Variants in RBBP4 observed in about 807,000 individuals in gnomAD.
RBBP4 encodes histone-binding protein RBBP4.
A neutral mutation model predicts 57.2 loss-of-function variants in RBBP4; 3 were observed. The observed-to-expected ratio is 0.05, with a 90% CI of 0.02 to 0.14. The LOEUF is 0.14. Among genes scored for constraint, RBBP4 ranks in the 10% least tolerant of loss-of-function variants. The pLI, the probability that RBBP4 is intolerant of heterozygous loss-of-function variation, is 1.00. For missense variants in RBBP4, 107 were observed against 520.6 expected (o/e 0.21, Z 7.73); for synonymous variants, 151 against 171.5 (o/e 0.88, Z 0.93).
intron 3 of RBBP4, among the ~76,000 whole-genome samples, chr1:32,666,941 G>A (rs1648679081): frequency 6.6e-6 from 1 of 152,188 alleles, no homozygotes; most frequent in Admixed American, 6.5e-5. Context: ...ATTGTGAGAA[G>A]TGACCTAGAA....
At chr1:32,670,532 G>A (rs1319878706) in intron 8 of RBBP4, among the ~76,000 whole-genome samples, 3 of 151,882 alleles carry the variant, frequency 2.0e-5, no homozygotes, top group Non-Finnish European at 4.4e-5. Context: ...ATTACGTTAT[G>A]TAGCCTTTGC....
rs990666030 is a variant in RBBP4, at chr1:32,685,255, A to G, written c.*5550A>G. 6.6e-6 allele frequency: 1 copy of G among 152,190 alleles called. No individual in the cohort carries two copies. The highest frequency in any genetic ancestry group is 1.5e-5 in the Non-Finnish European group (1 of 68,038). 9.4% of individuals were successfully genotyped at this position (152,190 alleles called of 1,614,324 possible). On this transcript the variant is annotated 3_prime_UTR_variant, in exon 12 of 12. Coordinates refer to ENST00000373493, the MANE Select transcript of RBBP4 (RefSeq NM_005610.3). ...TTGGGAGCCCTCAGATAACTTTCTC[A>G]TTCTTCCAGAATCAGGCTGGGATGC...
At chr1:32,679,538 A>G (rs1258912539) in intron 11 of RBBP4, 102 bp from the exon 12 acceptor site, 1 of 1,057,652 alleles carries the variant, frequency 9.5e-7, no homozygotes, top group African/African-American at 1.6e-5. Context: ...CCCAAAAGCT[A>G]TAAAGTATTT....
intron 3 of RBBP4, among the ~76,000 whole-genome samples, chr1:32,667,867 T>C (rs928062073): frequency 2.0e-5 from 3 of 152,308 alleles, no homozygotes; most frequent in East Asian, 3.9e-4. Context: ...ATACCTAATA[T>C]AATGTAAATG....
In RBBP4 at chr1:32,669,838, C is replaced by T. The variant is rs1402278278; in HGVS notation, c.966+275C>T. On this transcript the variant is annotated intron_variant, in intron 8 of 11. Coordinates refer to ENST00000373493, the MANE Select transcript of RBBP4 (RefSeq NM_005610.3). This position sits in a 1 kb window ranked among gnomAD's most constrained non-coding sequence, Gnocchi z 4.9. ...CCCGGGAGGCAGAGGTTGCAGTGAG[C>T]CGAGATTGTGCCACTGCACTCTAGC... Among the ~76,000 whole-genome samples the T allele has an allele frequency of 6.6e-6, 1 of 152,082 alleles. No individual in the cohort carries two copies. The highest frequency in any genetic ancestry group is 1.5e-5 in the Non-Finnish European group (1 of 68,024).
intron 3 of RBBP4, among the ~76,000 whole-genome samples, chr1:32,660,682 A>G (rs148679110): frequency 9.9e-5 from 15 of 151,842 alleles, no homozygotes; most frequent in African/African-American, 3.1e-4. Flanking sequence ...CTCCCATTCA[A>G]TGATTTCATA....
chr1:32,671,986 CAT>C (rs1491513504), intron 8 of RBBP4, among the ~76,000 whole-genome samples: 3 of 151,092 alleles, frequency 2.0e-5, no homozygotes, highest in Non-Finnish European at 2.9e-5. Flanking sequence ...TTTTTGTAAA[CAT>C]TTTTTTTTTG....
intron 3 of RBBP4, among the ~76,000 whole-genome samples, chr1:32,660,105 C>T (rs1648333999): frequency 6.6e-6 from 1 of 152,128 alleles, no homozygotes; most frequent in Non-Finnish European, 1.5e-5. Context: ...GAGCTTACAT[C>T]TCCTGTTTAT....
At chr1:32,655,193 TCTTTAA>T (rs1307802799) in intron 2 of RBBP4, among the ~76,000 whole-genome samples, 1 of 152,040 alleles carries the variant, frequency 6.6e-6, no homozygotes, top group Non-Finnish European at 1.5e-5. Context: ...TCCAGACTGT[TCTTTAA>T]CTTCTGGGCT....
At chr1:32,655,537 C>T (rs1456815607) in intron 2 of RBBP4, among the ~76,000 whole-genome samples, 1 of 152,132 alleles carries the variant, frequency 6.6e-6, no homozygotes, top group East Asian at 1.9e-4. Flanking sequence ...TGTAGAAGCT[C>T]TCAGAGCTTT....
rs975305072 is a variant in RBBP4 at position 32,679,966 on chromosome 1, A to C, written c.*261A>C. ...GGTCTAAAGTAGCTACAGAAAGGGG[A>C]ATATTATGTGTGATTATTTTTCTTC... On this transcript the variant is annotated 3_prime_UTR_variant, in exon 12 of 12. Coordinates refer to ENST00000373493, the MANE Select transcript of RBBP4 (RefSeq NM_005610.3). The C allele has an allele frequency of 5.6e-6, 7 of 1,246,414 alleles. No homozygotes were observed. The African/African-American group carries it at 1.1e-4, about 20-fold the overall frequency. The allele number at this position is 1,246,414 out of a possible 1,614,324, so 77.2% of individuals were successfully genotyped here.
chr1:32,661,328 G>T (rs651760), intron 3 of RBBP4, among the ~76,000 whole-genome samples: 138,163 of 141,974 alleles, frequency 0.97, 67,353 homozygotes, highest in East Asian at 1. Flanking sequence ...GAGATGGAGT[G>T]TCACTGTTGT....
chr1:32,679,900 C>G lies in RBBP4; in HGVS notation c.*195C>G, dbSNP rs1019380721. On this transcript the variant is annotated 3_prime_UTR_variant, in exon 12 of 12. Coordinates refer to ENST00000373493, the MANE Select transcript of RBBP4 (RefSeq NM_005610.3). ...GGGCTTGATTCAACAAAGCCACAGACTTAACGTTGAAATTTTCTTCAGGAA... is the reference window on the plus strand; with the variant it reads ...GGGCTTGATTCAACAAAGCCACAGAGTTAACGTTGAAATTTTCTTCAGGAA... 1.4e-5 allele frequency: 18 copies of G among 1,294,662 alleles called. No individual in the cohort carries two copies. The highest frequency in any genetic ancestry group is 5.8e-4 in the Middle Eastern group (2 of 3,424). 80.2% of individuals were successfully genotyped at this position (1,294,662 alleles called of 1,614,324 possible). A position where few individuals can be genotyped will look rare whatever the true frequency, so the allele number is the denominator to read the frequency against.
intron 11 of RBBP4, among the ~76,000 whole-genome samples, chr1:32,677,699 GAATAGGA>G (rs1649164251): frequency 5.9e-5 from 1 of 16,944 alleles, no homozygotes; most frequent in Admixed American, 9.9e-4. Flanking sequence ...GATAGTGTCA[GAATAGGA>G]TTGAGTTGTA....
At chr1:32,668,061 G>A (rs972384630) in intron 3 of RBBP4, among the ~76,000 whole-genome samples, 164 bp from the exon 4 acceptor site, 2 of 151,832 alleles carry the variant, frequency 1.3e-5, no homozygotes, top group South Asian at 2.1e-4. Flanking sequence ...CTGGAGTCAC[G>A]GGGGTAGGAA....
Position 32,651,360 on chromosome 1 carries a change from G to A in RBBP4, c.16+38G>A, listed in dbSNP as rs369028951. The A allele has an allele frequency of 1.4e-4, 193 of 1,421,188 alleles. 2 individuals carry two copies. The African/African-American group carries it at 2.2e-3, about 16-fold the overall frequency. The allele number at this position is 1,421,188 out of a possible 1,614,324, so 88.0% of individuals were successfully genotyped here. A position where few individuals can be genotyped will look rare whatever the true frequency, so the allele number is the denominator to read the frequency against. On this transcript the variant is annotated intron_variant, in intron 1 of 11. Transcript: ENST00000373493. ...GGGCCGACCCAGGAGGGCAGTGGGT[G>A]CCTGGGCTGAGCCGCGGCCTCGACA...
intron 3 of RBBP4, among the ~76,000 whole-genome samples, chr1:32,666,361 T>C (rs202189698): frequency 1.8e-4 from 10 of 56,274 alleles, no homozygotes; most frequent in African/African-American, 2.8e-4. Flanking sequence ...TTGAAAACTT[T>C]ATTTTTTTTT....
chr1:32,658,955 A>G (rs944375287), intron 3 of RBBP4, among the ~76,000 whole-genome samples: 2 of 148,746 alleles, frequency 1.3e-5, no homozygotes, highest in African/African-American at 2.4e-5. Flanking sequence ...ACATACGTAT[A>G]TATGTATGTA....
chr1:32,676,254 G>T (rs1473827547), intron 11 of RBBP4, among the ~76,000 whole-genome samples: 2 of 152,152 alleles, frequency 1.3e-5, no homozygotes, highest in Admixed American at 6.5e-5. Context: ...GCAGACTGAA[G>T]AATAGCATAA....
Sources: gnomAD v4.1 joint callset for allele counts (sites outside exome capture counted in the v4.1 genomes callset) on GRCh38, gnomAD v4.1.1 for gene constraint, Gnocchi (gnomAD v3.1) non-coding constraint, MANE v1.5 for transcripts, NCBI Gene and HGNC (gene_info 2026-07-23, HGNC 2026-07-21) for gene names.